The following CRELD1 variants were observed in gnomAD, a reference collection of about 807,000 sequenced individuals.
The protein encoded by CRELD1 is CRELD disulfide isomerase 1, also known as protein disulfide isomerase CRELD1.
A neutral mutation model predicts 58.2 loss-of-function variants in CRELD1; 42 were observed. The ratio of observed to expected loss-of-function variants is 0.72; its 90% CI spans 0.56 to 0.93. The LOEUF (loss-of-function observed/expected upper bound fraction) is 0.93. Among genes scored for constraint, CRELD1 ranks in the 40% least tolerant of loss-of-function variants. The pLI, the probability that CRELD1 is intolerant of heterozygous loss-of-function variation, is 0.00. For missense variants in CRELD1, 500 were observed against 540.6 expected (o/e 0.92, Z 0.74); for synonymous variants, 222 against 202.0 (o/e 1.10, Z -0.84).
In CRELD1 at chr3:9,943,069, C is replaced by G. The variant is rs777339615; in HGVS notation, c.818-8C>G. 1.9e-6 allele frequency: 3 copies of G among 1,613,396 alleles called. No individual in the cohort carries two copies. The highest frequency in any genetic ancestry group is 4.5e-5 in the East Asian group (2 of 44,872). ...CATCTCACCCTCATCTTTCTCTCCT[C>G]TCTCCAGACTGTGCCAAGGCCTGCC... On this transcript the variant is annotated splice_region_variant and splice_polypyrimidine_tract_variant and intron_variant, in intron 8 of 10. Transcript: ENST00000452070.
chr3:9,939,231 G>A (rs2085280328), intron 5 of CRELD1, among the ~76,000 whole-genome samples: 1 of 152,082 alleles, frequency 6.6e-6, no homozygotes, highest in Non-Finnish European at 1.5e-5. Context: ...AATTGGTTAA[G>A]TAAATGTCAG....
At position 9,934,480 on chromosome 3, in the gene CRELD1, C is replaced by G. The variant is rs1265836512; in HGVS notation, c.42C>G (p.Leu14=). The change falls in exon 2 of 11, where the codon CTC becomes CTG. Residue 14 remains leucine (L), a synonymous_variant. Transcript: ENST00000452070. The part of the protein sequence containing the change: ...WPPKGLVPAM[L]WGLSLFLNLP... ...CGAAGGGCCTAGTCCCAGCTATGCT[C>G]TGGGGCCTCAGCCTCTTCCTCAACC... The G allele has an allele frequency of 1.9e-6, 3 of 1,613,906 alleles. No homozygotes were observed. Among genetic ancestry groups the G allele is most frequent in the Admixed American group, 1.7e-5 (1 of 60,004 alleles).
At position 9,944,771 on chromosome 3, in the gene CRELD1, G is replaced by C; in HGVS notation, c.*192G>C. 3.2e-6 allele frequency: 2 copies of C among 621,684 alleles called. No homozygotes were observed. Among genetic ancestry groups the C allele is most frequent in the Non-Finnish European group, 5.8e-6 (2 of 347,376 alleles). The allele number at this position is 621,684 out of a possible 1,614,324, so 38.5% of individuals were successfully genotyped here. On this transcript the variant is annotated 3_prime_UTR_variant, in exon 11 of 11. Transcript: ENST00000452070. ...CCCTGGGGTAAAAAGTAGCCCTGAA[G>C]GTGGATACCATGAGCTCTTCACCTG...
chr3:9,938,142 ACCACCGAGTCCAGGGATCCAGT>A, intron 5 of CRELD1, 36 bp downstream of exon 5: 1 of 1,496,062 alleles, frequency 6.7e-7, no homozygotes, highest in Non-Finnish European at 9.3e-7. Flanking sequence ...ATGGGAGGGG[ACCACCGAGTCCAGGGATCCAGT>A]CCTGGCTCTG....
chr3:9,939,989 G>T (rs2085307882), intron 5 of CRELD1, among the ~76,000 whole-genome samples: 1 of 152,056 alleles, frequency 6.6e-6, no homozygotes, highest in African/African-American at 2.4e-5. Flanking sequence ...CTCCCGGACG[G>T]GCTGGCTGCC....
At chr3:9,941,077 C>T (rs990561672) in intron 6 of CRELD1, 34 bp from the exon 7 acceptor site, 12 of 1,613,706 alleles carry the variant, frequency 7.4e-6, no homozygotes, top group Non-Finnish European at 1.0e-5. Flanking sequence ...GGGCACCTGC[C>T]TGCCCATCCT....
intron 7 of CRELD1, 65 bp from the exon 8 acceptor site, chr3:9,942,748 G>A (rs184735818): frequency 1.4e-5 from 18 of 1,281,430 alleles, no homozygotes; most frequent in Middle Eastern, 1.8e-4. Flanking sequence ...ATTCCCCAAC[G>A]GCTCTGGCTT....
At chr3:9,939,437 G>A (rs4234585) in intron 5 of CRELD1, among the ~76,000 whole-genome samples, 55,786 of 151,980 alleles carry the variant, frequency 0.37, 13,881 homozygotes, top group African/African-American at 0.71. Flanking sequence ...AGATAAACAA[G>A]TGAACAAAGG....
chr3:9,934,777 T>G, intron 2 of CRELD1, 58 bp from the exon 3 acceptor site: 1 of 1,546,890 alleles, frequency 6.5e-7, no homozygotes. Flanking sequence ...AGTAGAACAG[T>G]GAAGTGCTAG....
Position 9,941,009 on chromosome 3 carries a change from G to A in CRELD1, c.620G>A (p.Ser207Asn). ...LGYFEAERNASHLVCSACFGP... is the reference protein window; with the variant it reads ...LGYFEAERNANHLVCSACFGP... Reference sequence around the variant, plus strand: ...TACTTTGAGGCAGAACGCAACGCCAGCCATCTGGTATGTTCGGGTAGGTAG... The same window carrying A: ...TACTTTGAGGCAGAACGCAACGCCAACCATCTGGTATGTTCGGGTAGGTAG... The change falls in exon 6 of 11, where the codon AGC (serine) becomes AAC (asparagine). Residue 207 changes from serine (S) to asparagine (N), a missense_variant. Ser to Asn is a conservative substitution (Grantham distance 46). Coordinates refer to ENST00000452070, the MANE Select transcript of CRELD1 (RefSeq NM_001077415.3). The A allele has an allele frequency of 1.2e-6, 2 of 1,614,206 alleles. No individual in the cohort carries two copies. The highest frequency in any genetic ancestry group is 1.6e-4 in the Middle Eastern group (1 of 6,062).
At chr3:9,935,131 ATAT>A (rs2085140784) in intron 3 of CRELD1, 1 of 546,042 alleles carries the variant, frequency 1.8e-6, no homozygotes, top group African/African-American at 1.9e-5. Flanking sequence ...TAAGTGAATA[ATAT>A]TATGTCAGAT....
chr3:9,941,254 C>A lies in CRELD1; in HGVS notation c.733+48C>A, dbSNP rs368381392. 23 of 1,534,626 alleles carry A rather than the reference C, an allele frequency of 1.5e-5. No homozygotes were observed. The Admixed American group carries it at 3.8e-4, about 25-fold the overall frequency. ...CTGGGAAGATGGTCAGGGGCCTGGGCTTGGTCCTTTATTCTCTCAACACAA... is the reference window on the plus strand; with the variant it reads ...CTGGGAAGATGGTCAGGGGCCTGGGATTGGTCCTTTATTCTCTCAACACAA... On this transcript the variant is annotated intron_variant, in intron 7 of 10. Transcript: ENST00000452070.
intron 10 of CRELD1, 38 bp downstream of exon 10, chr3:9,943,553 A>G: frequency 6.2e-7 from 1 of 1,613,582 alleles, no homozygotes; most frequent in Non-Finnish European, 8.5e-7. Context: ...TCCTCATTCA[A>G]AGAGAAGGCA....
intron 10 of CRELD1, 137 bp downstream of exon 10, chr3:9,943,652 CG>C: frequency 6.4e-7 from 1 of 1,567,226 alleles, no homozygotes; most frequent in South Asian, 1.2e-5. Flanking sequence ...GCACTGAGAC[CG>C]GGCTCTACAT....
At chr3:9,941,089 A>T (rs1417012799) in intron 6 of CRELD1, 22 bp from the exon 7 acceptor site, 2 of 1,614,144 alleles carry the variant, frequency 1.2e-6, no homozygotes, top group Admixed American at 3.3e-5. Context: ...GCCCATCCTC[A>T]TGCTGCCCCC....
Position 9,934,555 on chromosome 3 carries a change from C to A in CRELD1, c.117C>A (p.Pro39=). The A allele has an allele frequency of 6.2e-7, 1 of 1,614,112 alleles. No homozygotes were observed. The highest frequency in any genetic ancestry group is 8.5e-7 in the Non-Finnish European group (1 of 1,180,012). ...LQPSPPPQSS[P]PPQPHPCHTC... ...CCTCTCCACCTCCCCAGTCTTCTCC[C>A]CCGCCTCAGCCCCATCCGTGTCATA... The change falls in exon 2 of 11, where the codon CCC becomes CCA. Residue 39 remains proline, a synonymous_variant. Coordinates refer to ENST00000452070, the MANE Select transcript of CRELD1 (RefSeq NM_001077415.3).
chr3:9,935,907 A>G (rs977365460), intron 3 of CRELD1: 1 of 152,248 alleles, frequency 6.6e-6, no homozygotes, highest in Admixed American at 6.5e-5. Flanking sequence ...GGAATTTGAG[A>G]GTTGTCATTA....
chr3:9,940,809 G>A (rs1226536134), intron 5 of CRELD1, 41 bp from the exon 6 acceptor site: 1 of 1,554,020 alleles, frequency 6.4e-7, no homozygotes, highest in Admixed American at 1.7e-5. Context: ...GTATATCAAG[G>A]TTGTATAGAT....
intron 3 of CRELD1, 123 bp downstream of exon 3, chr3:9,935,040 T>G: frequency 1.2e-6 from 1 of 806,436 alleles, no homozygotes; most frequent in Non-Finnish European, 2.0e-6. Flanking sequence ...TGAACATCTA[T>G]AGTATAGCAG....
Sources: gnomAD v4.1 joint callset for allele counts (sites outside exome capture counted in the v4.1 genomes callset) on GRCh38, gnomAD v4.1.1 for gene constraint, MANE v1.5 for transcripts, NCBI Gene and HGNC (gene_info 2026-07-23, HGNC 2026-07-21) for gene names.